SLC9A9: variants seen among roughly 807,000 people sequenced by gnomAD.
SLC9A9 encodes the protein sodium/hydrogen exchanger 9.
SLC9A9 carries 62 observed loss-of-function variants against 77.8 expected under a neutral mutation model. The observed-to-expected ratio is 0.80, with a 90% CI of 0.65 to 0.98. The LOEUF (loss-of-function observed/expected upper bound fraction) is 0.98. Ranked by LOEUF, SLC9A9 falls within the 50% of genes least tolerant of loss-of-function variation. The pLI is 0.00. For synonymous variants in SLC9A9, 320 were observed against 283.5 expected (o/e 1.13, Z -1.29); for missense variants, 775 against 774.9 (o/e 1.00, Z 0.00).
At chr3:143,397,231 C>A (rs2033751037) in intron 12 of SLC9A9, among the ~76,000 whole-genome samples, 1 of 152,238 alleles carries the variant, frequency 6.6e-6, no homozygotes, top group Non-Finnish European at 1.5e-5. Context: ...TCTGGCCTTT[C>A]TTCCCTAAGG....
intron 4 of SLC9A9, among the ~76,000 whole-genome samples, chr3:143,758,132 A>G (rs1256577225): frequency 6.6e-6 from 1 of 152,198 alleles, no homozygotes; most frequent in Admixed American, 6.5e-5. Flanking sequence ...ACTATCATTT[A>G]TAACACTCAG....
At chr3:143,595,984 TTA>T (rs2037745535) in intron 6 of SLC9A9, among the ~76,000 whole-genome samples, 2 of 152,330 alleles carry the variant, frequency 1.3e-5, no homozygotes, top group Admixed American at 1.3e-4. Flanking sequence ...GGGAATGTTT[TTA>T]TGTTTCAGTC....
At chr3:143,717,652 A>T (rs577950827) in intron 4 of SLC9A9, among the ~76,000 whole-genome samples, 1 of 152,194 alleles carries the variant, frequency 6.6e-6, no homozygotes, top group African/African-American at 2.4e-5. Context: ...TATCTAAGTG[A>T]TTTCAATCTT....
chr3:143,703,657 A>G (rs868296117), intron 4 of SLC9A9, among the ~76,000 whole-genome samples: 21 of 152,130 alleles, frequency 1.4e-4, no homozygotes, highest in African/African-American at 4.8e-4. Flanking sequence ...ATCTTAACGA[A>G]CCAGAAAAGA....
chr3:143,674,476 C>T lies in SLC9A9; in HGVS notation c.649+18716G>A, dbSNP rs573085265. ...CAGGGCCTCTCTTAGATGCTTTCAC[C>T]CATAAACACACGAGCAGTGCCAGCG... On this transcript the variant is annotated intron_variant, in intron 5 of 15. Coordinates refer to ENST00000316549, the MANE Select transcript of SLC9A9 (RefSeq NM_173653.4). 2.0e-5 allele frequency among the ~76,000 whole-genome samples: 3 copies of T among 152,210 alleles called. No homozygotes were observed. The South Asian group carries it at 6.2e-4, about 32-fold the overall frequency.
chr3:143,392,832 A>T (rs951061628), intron 12 of SLC9A9, among the ~76,000 whole-genome samples: 8 of 152,232 alleles, frequency 5.3e-5, no homozygotes, highest in Admixed American at 1.3e-4. Context: ...TTAAACCAAC[A>T]AAGATCAAAA....
intron 11 of SLC9A9, among the ~76,000 whole-genome samples, chr3:143,482,620 A>G (rs1308196654): frequency 6.6e-6 from 1 of 152,164 alleles, no homozygotes; most frequent in Non-Finnish European, 1.5e-5. Flanking sequence ...TACCCAAGTC[A>G]CAGTGGTTTC....
chr3:143,774,801 A>G (rs16854267), intron 4 of SLC9A9, among the ~76,000 whole-genome samples: 25,397 of 152,154 alleles, frequency 0.17, 2,665 homozygotes, highest in East Asian at 0.47. Context: ...TATCTCTACA[A>G]GCCCACACCA....
chr3:143,662,489 G>A (rs2038993249), intron 5 of SLC9A9, among the ~76,000 whole-genome samples: 1 of 152,210 alleles, frequency 6.6e-6, no homozygotes, highest in South Asian at 2.1e-4. Flanking sequence ...GTGAGCTGAA[G>A]CAGGGCGGGG....
intron 3 of SLC9A9, 122 bp from the exon 4 acceptor site, chr3:143,795,199 A>G: frequency 2.9e-6 from 2 of 682,662 alleles, no homozygotes; most frequent in Admixed American, 4.6e-5. Context: ...TTGGTTTTGG[A>G]GCCTCGTTCC....
intron 5 of SLC9A9, among the ~76,000 whole-genome samples, chr3:143,684,709 G>T (rs1371222747): frequency 2.0e-5 from 3 of 152,028 alleles, no homozygotes; most frequent in Non-Finnish European, 4.4e-5. Flanking sequence ...CAAGTCAGAG[G>T]CTACAGTATT....
intron 2 of SLC9A9, among the ~76,000 whole-genome samples, chr3:143,828,816 A>T (rs896271797): frequency 3.9e-5 from 6 of 152,232 alleles, no homozygotes; most frequent in African/African-American, 1.4e-4. Context: ...GATCTGCAGC[A>T]GTGGATGTGA....
At chr3:143,430,632 C>CA (rs1311868708) in intron 12 of SLC9A9, among the ~76,000 whole-genome samples, 1 of 152,166 alleles carries the variant, frequency 6.6e-6, no homozygotes, top group Non-Finnish European at 1.5e-5. Context: ...AGGGGGAGGC[C>CA]AATGAAGCTG....
At chr3:143,333,692 T>C (rs949883235) in intron 14 of SLC9A9, among the ~76,000 whole-genome samples, 2 of 152,250 alleles carry the variant, frequency 1.3e-5, no homozygotes, top group Non-Finnish European at 2.9e-5. Context: ...GAATTCCTAA[T>C]TTTGAATCCA....
At chr3:143,396,356 A>C (rs2033728321) in intron 12 of SLC9A9, among the ~76,000 whole-genome samples, 1 of 151,682 alleles carries the variant, frequency 6.6e-6, no homozygotes, top group African/African-American at 2.4e-5. Flanking sequence ...ATAAAAAACC[A>C]AACACCGCAT....
rs781071977 is a variant in SLC9A9 at position 143,795,085 on chromosome 3, G to GA, written c.457-9dup. The GA allele has an allele frequency of 3.0e-5, 48 of 1,609,684 alleles. No homozygotes were observed. Among genetic ancestry groups the GA allele is most frequent in the South Asian group, 7.7e-5 (7 of 90,992 alleles). ...GTTTTGAAAAAAGTGTCTCTGGGGA[G>GA]AAAAAAAGATATTTAATAGAGTACA... On this transcript the variant is annotated splice_polypyrimidine_tract_variant and intron_variant, in intron 3 of 15. Coordinates refer to ENST00000316549, the MANE Select transcript of SLC9A9 (RefSeq NM_173653.4).
At position 143,265,886 on chromosome 3, in the gene SLC9A9, C is replaced by T. The variant is rs1338027740; in HGVS notation, c.*816G>A. The T allele has an allele frequency of 3.3e-5, 20 of 605,274 alleles. No homozygotes were observed. The highest frequency in any genetic ancestry group is 8.3e-5 in the East Asian group (3 of 36,094). The allele number at this position is 605,274 out of a possible 1,614,324, so 37.5% of individuals were successfully genotyped here. The stretch of plus-strand genomic sequence containing the variant: ...CAGAATCCTACCCTCCAGCATATCG[C>T]GGGGAGGGGGGGACCTGCTGCACAG... On this transcript the variant is annotated 3_prime_UTR_variant, in exon 16 of 16. Transcript: ENST00000316549.
intron 12 of SLC9A9, among the ~76,000 whole-genome samples, chr3:143,387,523 C>G (rs2033456940): frequency 6.6e-6 from 1 of 152,006 alleles, no homozygotes; most frequent in South Asian, 2.1e-4. Flanking sequence ...CCTGATGTAC[C>G]TTTTAATTTT....
At chr3:143,403,140 A>G (rs1576474079) in intron 12 of SLC9A9, among the ~76,000 whole-genome samples, 1 of 152,128 alleles carries the variant, frequency 6.6e-6, no homozygotes, top group African/African-American at 2.4e-5. Flanking sequence ...CTTTATATCA[A>G]TCTTGCATCT....
Sources: gnomAD v4.1 joint callset for allele counts (sites outside exome capture counted in the v4.1 genomes callset) on GRCh38, gnomAD v4.1.1 for gene constraint, MANE v1.5 for transcripts, NCBI Gene and HGNC (gene_info 2026-07-23, HGNC 2026-07-21) for gene names.